UGT3A1: variants seen among roughly 807,000 people sequenced by gnomAD.
UGT3A1 encodes UDP glycosyltransferase family 3 member A1, also known as UDP-glycosyltransferase 3A1.
In UGT3A1, 40 loss-of-function variants were observed where a neutral mutation model predicts 37.6. That is an observed-to-expected ratio of 1.06 (90% confidence interval 0.83 to 1.38). The LOEUF (loss-of-function observed/expected upper bound fraction) is 1.38. Among genes scored for constraint, UGT3A1 ranks in the 40% most tolerant of loss-of-function variants. The probability of loss-of-function intolerance (pLI) is 0.00; values close to 1 mark genes in which losing one functional copy is unlikely to be tolerated. For synonymous variants in UGT3A1, 256 were observed against 232.3 expected, an observed-to-expected ratio of 1.10 and a Z score of -0.93; for missense variants, 642 against 634.2, an observed-to-expected ratio of 1.01 and a Z score of -0.13.
chr5:35,990,307 C>T (rs1287688578), intron 1 of UGT3A1, among the ~76,000 whole-genome samples: 1 of 152,054 alleles, frequency 6.6e-6, no homozygotes, highest in Non-Finnish European at 1.5e-5. Flanking sequence ...TCCGTGGTTC[C>T]TTCCAGCTCT....
intron 1 of UGT3A1, among the ~76,000 whole-genome samples, chr5:35,998,459 G>A (rs1423175935): frequency 6.6e-6 from 1 of 152,192 alleles, no homozygotes; most frequent in East Asian, 1.9e-4. Flanking sequence ...TCATACTCAA[G>A]ATCTGTCAGC....
At chr5:35,954,553 C>A in intron 6 of UGT3A1, 75 bp from the exon 7 acceptor site, 1 of 1,524,634 alleles carries the variant, frequency 6.6e-7, no homozygotes, top group Admixed American at 1.9e-5. Context: ...TGCATGAGCA[C>A]ACACACAAGC....
chr5:35,977,450 G>T (rs1337089178), intron 2 of UGT3A1, among the ~76,000 whole-genome samples: 1 of 152,182 alleles, frequency 6.6e-6, no homozygotes, highest in Admixed American at 6.5e-5. Flanking sequence ...TTTGAGTCTT[G>T]GGATCAGATA....
Position 36,001,017 on chromosome 5 carries a change from G to C in UGT3A1, c.-209C>G, listed in dbSNP as rs560365323. 4.3e-4 allele frequency: 66 copies of C among 152,282 alleles called. 1 individual carries two copies. The highest frequency in any genetic ancestry group is 1.3e-3 in the African/African-American group (54 of 41,556). 9.4% of individuals were successfully genotyped at this position (152,282 alleles called of 1,614,324 possible). A position where few individuals can be genotyped will look rare whatever the true frequency, so the allele number is the denominator to read the frequency against. On this transcript the variant is annotated 5_prime_UTR_variant, in exon 1 of 6. Transcript: ENST00000625798. Reference sequence around the variant, plus strand: ...TCCAGTGGCTCTGGTCTACCATGGTGGGTATCCCCCTTCCAAGGTCAGGAC... The same window carrying C: ...TCCAGTGGCTCTGGTCTACCATGGTCGGTATCCCCCTTCCAAGGTCAGGAC...
At chr5:35,965,946 T>C (rs555711543) in intron 3 of UGT3A1, 29 bp from the exon 4 acceptor site, 10 of 1,446,506 alleles carry the variant, frequency 6.9e-6, no homozygotes, top group Middle Eastern at 2.4e-4. Flanking sequence ...ATAATAAATA[T>C]TTGGGAAAGT....
chr5:35,972,826 AG>A (rs1469555554), intron 2 of UGT3A1, among the ~76,000 whole-genome samples: 1 of 151,934 alleles, frequency 6.6e-6, no homozygotes, highest in African/African-American at 2.4e-5. Context: ...AATGAGATCA[AG>A]GCTTTAAATT....
intron 2 of UGT3A1, among the ~76,000 whole-genome samples, chr5:35,982,747 T>C (rs1321067155): frequency 6.6e-6 from 1 of 152,110 alleles, no homozygotes; most frequent in African/African-American, 2.4e-5. Context: ...GGACATGAGA[T>C]TTGGAAGGGG....
rs1485051766 is a variant in UGT3A1 at position 35,977,098 on chromosome 5, AAGAAAG to A, written c.197-8971_197-8966del. On this transcript the variant is annotated intron_variant, in intron 2 of 6. Coordinates refer to ENST00000274278, the MANE Select transcript of UGT3A1 (RefSeq NM_152404.4). The stretch of plus-strand genomic sequence containing the variant: ...GAAAAGAAAGAAAGAAAGAGAAAGA[AAGAAAG>A]AGAAAGAGAGAAAGAAAAGAAGGAA... Among the ~76,000 whole-genome samples the A allele has an allele frequency of 8.4e-5, 5 of 59,362 alleles. 1 individual carries two copies. Among genetic ancestry groups the A allele is most frequent in the African/African-American group, 1.2e-4 (2 of 16,446 alleles). 38.9% of individuals were successfully genotyped at this position (59,362 alleles called of 152,430 possible).
Position 35,965,559 on chromosome 5 carries a change from T to C in UGT3A1, c.670A>G (p.Thr224Ala). 4 of 1,614,174 alleles carry C rather than the reference T, an allele frequency of 2.5e-6. No homozygotes were observed. Among genetic ancestry groups the C allele is most frequent in the Non-Finnish European group, 3.4e-6 (4 of 1,180,030 alleles). Reference sequence around the variant, plus strand: ...CCTTCTGGGAAATGCTCCTTGATGGTGTTGTCAAATGTAGACTGCATGTCC... The same window carrying C: ...CCTTCTGGGAAATGCTCCTTGATGGCGTTGTCAAATGTAGACTGCATGTCC... ...QWDMQSTFDN[T>A]IKEHFPEGSR... The change falls in exon 4 of 7, where the codon ACC (threonine) becomes GCC (alanine). Residue 224 changes from threonine (T) to alanine (A), a missense_variant. By Grantham distance (58) the Thr-to-Ala change is moderately conservative. Coordinates refer to ENST00000274278, the MANE Select transcript of UGT3A1 (RefSeq NM_152404.4).
intron 2 of UGT3A1, among the ~76,000 whole-genome samples, chr5:35,971,366 AATGCTCC>A (rs952911432): frequency 9.9e-5 from 15 of 152,260 alleles, no homozygotes; most frequent in African/African-American, 3.6e-4. Context: ...TAAGTTTAAC[AATGCTCC>A]ATCATTACCA....
intron 2 of UGT3A1, among the ~76,000 whole-genome samples, chr5:35,987,689 T>G (rs1740779877): frequency 6.6e-6 from 1 of 152,154 alleles, no homozygotes; most frequent in South Asian, 2.1e-4. Context: ...TGACTCAGAC[T>G]TTTTCTCCCA....
intron 2 of UGT3A1, among the ~76,000 whole-genome samples, chr5:35,975,388 A>G (rs1740224267): frequency 1.3e-5 from 2 of 152,204 alleles, no homozygotes; most frequent in Non-Finnish European, 2.9e-5. Context: ...GACCAATTCC[A>G]TTATGAAAGA....
rs747178148 is a variant in UGT3A1 at position 35,957,245 on chromosome 5, C to A, written c.1018G>T (p.Val340Phe). 1.2e-6 allele frequency: 2 copies of A among 1,614,174 alleles called. No individual in the cohort carries two copies. The highest frequency in any genetic ancestry group is 1.3e-5 in the African/African-American group (1 of 75,040). ...ATTTTCACATTTGTGGCCAAATGAA[C>A]ATCTCTGGGCCAATGAGAACTCTGA... ...TCQSSHWPRD[V>F]HLATNVKIVD... The change falls in exon 5 of 7, where the codon GTT becomes TTT. Residue 340 changes from valine to phenylalanine, a missense_variant. Coordinates refer to ENST00000274278, the MANE Select transcript of UGT3A1 (RefSeq NM_152404.4).
intron 2 of UGT3A1, among the ~76,000 whole-genome samples, chr5:35,980,031 C>T (rs1372608519): frequency 2.0e-5 from 3 of 152,188 alleles, no homozygotes; most frequent in Non-Finnish European, 4.4e-5. Context: ...GTTTCTTCCA[C>T]AACATATGGG....
Position 35,982,389 on chromosome 5 carries a change from AC to A in UGT3A1, c.196+6060del. Among the ~76,000 whole-genome samples, 3 of 152,310 alleles carry A rather than the reference AC, an allele frequency of 2.0e-5. No homozygotes were observed. The East Asian group carries it at 5.8e-4, about 29-fold the overall frequency. The stretch of plus-strand genomic sequence containing the variant: ...GAGCTACCCAAGGCCTTGCAAGCCC[AC>A]CCCTTGCATCAGCATGTCCTGGATG... On this transcript the variant is annotated intron_variant, in intron 2 of 6. Coordinates refer to ENST00000274278, the MANE Select transcript of UGT3A1 (RefSeq NM_152404.4).
chr5:35,973,403 G>A lies in UGT3A1; in HGVS notation c.197-5270C>T, dbSNP rs73076151. On this transcript the variant is annotated intron_variant, in intron 2 of 6. Coordinates refer to ENST00000274278, the MANE Select transcript of UGT3A1 (RefSeq NM_152404.4). ...AAGGTATGTAAAGTTTGATTAGATT[G>A]AATTTATTGATATGAGGCCACTAGA... Among the ~76,000 whole-genome samples, 3 of 152,228 alleles carry A rather than the reference G, an allele frequency of 2.0e-5. No individual in the cohort carries two copies. The East Asian group carries it at 5.8e-4, about 29-fold the overall frequency.
At position 35,957,360 on chromosome 5, in the gene UGT3A1, G is replaced by A. The variant is rs10428673; in HGVS notation, c.903C>T (p.Gly301=). 2,415 of 1,614,148 alleles carry A rather than the reference G, an allele frequency of 1.5e-3. 33 individuals carry two copies. The African/African-American group carries it at 0.028, about 19-fold the overall frequency. ...GGGACTGATGGGTGTTCAACATGGA[G>A]CCAAAGGCCACAAGGACAAACCCTG... The part of the protein sequence containing the change: ...GDAGFVLVAF[G]SMLNTHQSQE... The change falls in exon 5 of 7, where the codon GGC becomes GGT. Residue 301 remains glycine (G), a synonymous_variant. Transcript: ENST00000274278.
At chr5:35,996,236 C>T (rs547927465), upstream of UGT3A1, among the ~76,000 whole-genome samples, 1 of 152,256 alleles carries the variant, frequency 6.6e-6, no homozygotes, top group South Asian at 2.1e-4. Flanking sequence ...GAGAATGCAA[C>T]TCAGGAAGAC....
intron 4 of UGT3A1, among the ~76,000 whole-genome samples, chr5:35,958,248 C>T (rs1739436347): frequency 6.6e-6 from 1 of 152,134 alleles, no homozygotes; most frequent in South Asian, 2.1e-4. Flanking sequence ...GCTACCTAGC[C>T]TATTTTTGTC....
Sources: gnomAD v4.1 joint callset for allele counts (sites outside exome capture counted in the v4.1 genomes callset) on GRCh38, gnomAD v4.1.1 for gene constraint, MANE v1.5 for transcripts, NCBI Gene and HGNC (gene_info 2026-07-23, HGNC 2026-07-21) for gene names.